Variants in CLSTN2 observed in about 807,000 individuals in gnomAD.
The protein encoded by CLSTN2 is calsyntenin-2.
In CLSTN2, 48 loss-of-function variants were observed where a neutral mutation model predicts 101.2. The ratio of observed to expected loss-of-function variants is 0.47; its 90% confidence interval spans 0.38 to 0.60. The LOEUF is 0.60. CLSTN2 is among the 20% of genes least tolerant of loss of function. The pLI, the probability that CLSTN2 is intolerant of heterozygous loss-of-function variation, is 0.00. For synonymous variants in CLSTN2, 481 were observed against 463.6 expected, an observed-to-expected ratio of 1.04 and a Z score of -0.48; for missense variants, 1,160 against 1,238.2, an observed-to-expected ratio of 0.94 and a Z score of 0.95.
At chr3:140,481,674 A>C (rs1934121123) in intron 8 of CLSTN2, among the ~76,000 whole-genome samples, 2 of 152,090 alleles carry the variant, frequency 1.3e-5, no homozygotes, top group Admixed American at 1.3e-4. Context: ...ATCCCTTGTA[A>C]GTTGGATTCC....
chr3:140,362,465 A>T (rs753071173), intron 2 of CLSTN2, among the ~76,000 whole-genome samples: 1 of 152,224 alleles, frequency 6.6e-6, no homozygotes, highest in Non-Finnish European at 1.5e-5. Flanking sequence ...AATGGAGTTA[A>T]TCAAAATTTT....
chr3:140,410,411 C>CAAAA (rs11450317), intron 4 of CLSTN2, among the ~76,000 whole-genome samples: 1 of 118,756 alleles, frequency 8.4e-6, no homozygotes, highest in Non-Finnish European at 1.7e-5. Context: ...AAATAAAAAG[C>CAAAA]AAAAAAAAAA....
At chr3:140,453,060 C>A (rs889920553) in intron 6 of CLSTN2, among the ~76,000 whole-genome samples, 4 of 152,228 alleles carry the variant, frequency 2.6e-5, no homozygotes, top group African/African-American at 9.6e-5. Context: ...GTGACATTAA[C>A]AACAGCCCAA....
chr3:139,976,240 CT>C (rs1385693006), intron 1 of CLSTN2, among the ~76,000 whole-genome samples: 7 of 152,174 alleles, frequency 4.6e-5, no homozygotes, highest in South Asian at 2.1e-4. Context: ...CCCTTATCTC[CT>C]TTGCTGATGT....
At position 140,148,988 on chromosome 3, in the gene CLSTN2, G is replaced by A. The variant is rs186784724; in HGVS notation, c.110-26963G>A. Among the ~76,000 whole-genome samples the A allele has an allele frequency of 1.1e-3, 165 of 152,224 alleles. 1 individual carries two copies. The highest frequency in any genetic ancestry group is 1.9e-3 in the Admixed American group (29 of 15,290). The stretch of plus-strand genomic sequence containing the variant: ...AGTGTTTTCCTTCAAGCCAGAGAGC[G>A]GAGGTCCTTGAGCCTGCTGGGCAAT... On this transcript the variant is annotated intron_variant, in intron 1 of 16. Transcript: ENST00000458420.
intron 4 of CLSTN2, among the ~76,000 whole-genome samples, chr3:140,409,054 C>G (rs1350407853): frequency 6.6e-6 from 1 of 152,278 alleles, no homozygotes; most frequent in African/African-American, 2.4e-5. Flanking sequence ...ATCCCCATAG[C>G]TGCACATGCA....
intron 2 of CLSTN2, among the ~76,000 whole-genome samples, chr3:140,220,710 T>C (rs1413096231): frequency 1.3e-5 from 2 of 152,180 alleles, no homozygotes; most frequent in East Asian, 1.9e-4. Context: ...TAATTAAAAG[T>C]CCAAAAGCAA....
intron 9 of CLSTN2, among the ~76,000 whole-genome samples, chr3:140,542,007 A>T (rs1048371686): frequency 6.6e-6 from 1 of 152,184 alleles, no homozygotes; most frequent in East Asian, 1.9e-4. Flanking sequence ...AGAAGAAACA[A>T]CTAGGGAAAA....
intron 1 of CLSTN2, among the ~76,000 whole-genome samples, chr3:140,006,049 C>T (rs1299787212): frequency 6.6e-6 from 1 of 152,068 alleles, no homozygotes; most frequent in Admixed American, 6.5e-5. Context: ...GATTCAGAAA[C>T]CAGAGTTGAC....
At chr3:140,164,919 G>T (rs1003636881) in intron 1 of CLSTN2, among the ~76,000 whole-genome samples, 3 of 152,140 alleles carry the variant, frequency 2.0e-5, no homozygotes, top group African/African-American at 7.2e-5. Flanking sequence ...AGGTAGATGG[G>T]TGGATAGGTA....
At chr3:140,467,776 TC>T (rs1933743775) in intron 8 of CLSTN2, among the ~76,000 whole-genome samples, 2 of 151,110 alleles carry the variant, frequency 1.3e-5, no homozygotes, top group Non-Finnish European at 2.9e-5. Context: ...CCACCCTCTC[TC>T]TGTTCCATCC....
chr3:140,410,814 A>C (rs2088355911), intron 4 of CLSTN2, among the ~76,000 whole-genome samples: 1 of 152,222 alleles, frequency 6.6e-6, no homozygotes, highest in African/African-American at 2.4e-5. Context: ...TGGGAATAAA[A>C]GTGCAAAGCT....
chr3:140,358,611 C>T (rs2087697556), intron 2 of CLSTN2, among the ~76,000 whole-genome samples: 1 of 152,020 alleles, frequency 6.6e-6, no homozygotes, highest in African/African-American at 2.4e-5. Flanking sequence ...CTGCACAGAC[C>T]TAGAAGGGAC....
At position 140,210,881 on chromosome 3, in the gene CLSTN2, G is replaced by A. The variant is rs183956277; in HGVS notation, c.232+34808G>A. ...GCACCTAAATAGCTATGAATCTGAG[G>A]ATAACTCAGCATTTCCTCAGCATCC... On this transcript the variant is annotated intron_variant, in intron 2 of 16. Coordinates refer to ENST00000458420, the MANE Select transcript of CLSTN2 (RefSeq NM_022131.3). Among the ~76,000 whole-genome samples, 905 of 152,126 alleles carry A rather than the reference G, an allele frequency of 5.9e-3. 3 individuals carry two copies. Among genetic ancestry groups the A allele is most frequent in the Non-Finnish European group, 8.5e-3 (576 of 67,964 alleles).
intron 2 of CLSTN2, among the ~76,000 whole-genome samples, chr3:140,321,545 C>G (rs2087283058): frequency 6.6e-6 from 1 of 152,140 alleles, no homozygotes; most frequent in Non-Finnish European, 1.5e-5. Context: ...GGGGACCCTC[C>G]AAGCTAATAA....
At chr3:140,084,212 C>T (rs1178645208) in intron 1 of CLSTN2, among the ~76,000 whole-genome samples, 1 of 152,062 alleles carries the variant, frequency 6.6e-6, no homozygotes, top group Non-Finnish European at 1.5e-5. Context: ...TGAGAGGCAC[C>T]ACCACATGCT....
intron 2 of CLSTN2, among the ~76,000 whole-genome samples, chr3:140,351,635 G>T (rs1011304078): frequency 3.3e-5 from 5 of 152,198 alleles, no homozygotes; most frequent in Admixed American, 6.5e-5. Flanking sequence ...GCACAAAGCA[G>T]CATAGGCAGT....
chr3:139,994,673 T>C (rs1936171954), intron 1 of CLSTN2, among the ~76,000 whole-genome samples: 1 of 152,158 alleles, frequency 6.6e-6, no homozygotes, highest in Admixed American at 6.5e-5. Flanking sequence ...TGCCAGCCTC[T>C]GATCCTGTTT....
Position 140,313,074 on chromosome 3 carries a change from C to T in CLSTN2, c.233-90555C>T, listed in dbSNP as rs1464365970. 3.3e-5 allele frequency among the ~76,000 whole-genome samples: 5 copies of T among 152,276 alleles called. No homozygotes were observed. In the South Asian group the frequency reaches 8.3e-4, roughly 25 times the overall value. On this transcript the variant is annotated intron_variant, in intron 2 of 16. Transcript: ENST00000458420. ...TCACTGAATCAAGTAATGTGCCATT[C>T]ATGGTTCTACGTACTGGGGATATAA...
Sources: allele counts gnomAD v4.1 joint callset (sites outside exome capture counted in the v4.1 genomes callset), GRCh38; gene constraint gnomAD v4.1.1; transcripts MANE v1.5; gene names NCBI Gene and HGNC (gene_info 2026-07-23, HGNC 2026-07-21).